NNMT: variants seen among roughly 807,000 people sequenced by gnomAD.
The protein encoded by NNMT is nicotinamide N-methyltransferase.
NNMT carries 10 observed loss-of-function variants against 11.7 expected under a neutral mutation model. That is an observed-to-expected ratio of 0.85 (90% CI 0.53 to 1.45). The LOEUF is 1.45. Among genes scored for constraint, NNMT ranks in the 40% most tolerant of loss-of-function variants. The probability of loss-of-function intolerance (pLI) is 0.00; values close to 1 mark genes in which losing one functional copy is unlikely to be tolerated. For missense variants in NNMT, 381 were observed against 319.4 expected (o/e 1.19, Z -1.47); for synonymous variants, 143 against 133.8 (o/e 1.07, Z -0.48).
chr11:114,300,548 G>A (rs1945428623), intron 2 of NNMT, among the ~76,000 whole-genome samples: 1 of 152,124 alleles, frequency 6.6e-6, no homozygotes, highest in Non-Finnish European at 1.5e-5. Context: ...CAGGTTGATA[G>A]TATCATTCAA....
chr11:114,258,759 C>T (rs1055719172), intron 1 of NNMT, among the ~76,000 whole-genome samples: 2 of 152,228 alleles, frequency 1.3e-5, no homozygotes, highest in African/African-American at 4.8e-5. Flanking sequence ...AGCCCCTGCT[C>T]AGCACCCAAC....
intron 2 of NNMT, among the ~76,000 whole-genome samples, chr11:114,274,501 G>A (rs1477910301): frequency 6.6e-6 from 1 of 152,386 alleles, no homozygotes; most frequent in East Asian, 1.9e-4. Context: ...TAGGCAAGGA[G>A]TTCGGTGTTT....
intron 1 of NNMT, among the ~76,000 whole-genome samples, chr11:114,258,079 C>T (rs1945044733): frequency 6.6e-6 from 1 of 152,190 alleles, no homozygotes; most frequent in Admixed American, 6.5e-5. Flanking sequence ...CCCCTGCCAG[C>T]CCCGGCTGCC....
chr11:114,298,489 C>T (rs1055028359), intron 2 of NNMT, among the ~76,000 whole-genome samples: 2 of 152,126 alleles, frequency 1.3e-5, no homozygotes, highest in Non-Finnish European at 2.9e-5. Flanking sequence ...AGGTTTAGGA[C>T]AGCTGCAAGT....
chr11:114,273,765 A>G (rs1294018868), intron 2 of NNMT, among the ~76,000 whole-genome samples: 1 of 152,168 alleles, frequency 6.6e-6, no homozygotes, highest in Non-Finnish European at 1.5e-5. Context: ...ACTTGAGCTC[A>G]GGAGTCGGAG....
intron 2 of NNMT, among the ~76,000 whole-genome samples, chr11:114,268,791 A>AC (rs1945145418): frequency 6.6e-6 from 1 of 151,162 alleles, no homozygotes; most frequent in East Asian, 1.9e-4. Context: ...AAAAAAAAAA[A>AC]CTGAAACAGC....
At chr11:114,273,885 A>G (rs541228195) in intron 2 of NNMT, among the ~76,000 whole-genome samples, 2 of 152,306 alleles carry the variant, frequency 1.3e-5, no homozygotes, top group East Asian at 3.9e-4. Context: ...CAGTGGGGCC[A>G]TACAGCACTT....
chr11:114,260,736 C>T (rs919534665), intron 1 of NNMT, among the ~76,000 whole-genome samples: 6 of 152,200 alleles, frequency 3.9e-5, no homozygotes, highest in African/African-American at 1.4e-4. Context: ...GTGCAGCATA[C>T]GGACCCACGG....
At chr11:114,300,077 G>A (rs1945424306) in intron 2 of NNMT, among the ~76,000 whole-genome samples, 1 of 151,040 alleles carries the variant, frequency 6.6e-6, no homozygotes, top group East Asian at 1.9e-4. Context: ...TTCTTTTCTA[G>A]TTTACTTTAT....
rs1039938073 is a variant in NNMT at position 114,296,502 on chromosome 11, C to T, written c.-55C>T. 4.4e-6 allele frequency: 7 copies of T among 1,588,214 alleles called. No homozygotes were observed. In the African/African-American group the frequency reaches 9.4e-5, roughly 21 times the overall value. The stretch of plus-strand genomic sequence containing the variant: ...CAACTTCTGCAGGGTCACTCCCTGG[C>T]TTCTGGAGGAAAGAGAAGGAGGGCA... On this transcript the variant is annotated 5_prime_UTR_variant, in exon 1 of 3. Coordinates refer to ENST00000299964, the MANE Select transcript of NNMT (RefSeq NM_006169.3).
At chr11:114,278,936 GT>G (rs1945237045) in intron 2 of NNMT, among the ~76,000 whole-genome samples, 1 of 152,210 alleles carries the variant, frequency 6.6e-6, no homozygotes, top group African/African-American at 2.4e-5. Flanking sequence ...CATGTGCAGG[GT>G]TTCCAGGGCA....
At chr11:114,259,354 G>A (rs1032940630) in intron 1 of NNMT, among the ~76,000 whole-genome samples, 3 of 150,462 alleles carry the variant, frequency 2.0e-5, no homozygotes, top group Non-Finnish European at 4.4e-5. Context: ...CAGTGGGGGG[G>A]GGGGAGCTCC....
rs114821467 is a variant in NNMT at position 114,278,223 on chromosome 11, C to T, written c.-130+15289C>T. ...AGGGAGGAGCAGGCATTTCACACGG[C>T]GAGAGAGGGAGCAAGAGAGAGAGGA... On this transcript the variant is annotated intron_variant, in intron 2 of 4. Transcript: ENST00000535401. 4.2e-3 allele frequency among the ~76,000 whole-genome samples: 641 copies of T among 152,042 alleles called. 7 individuals are homozygous for T. The highest frequency in any genetic ancestry group is 0.014 in the African/African-American group (594 of 41,464).
At chr11:114,294,992 A>T (rs139943468), upstream of NNMT, among the ~76,000 whole-genome samples, 7 of 152,228 alleles carry the variant, frequency 4.6e-5, no homozygotes, top group African/African-American at 1.7e-4. Flanking sequence ...TGGCTTGCTG[A>T]CTCCTTGGAA....
intron 2 of NNMT, among the ~76,000 whole-genome samples, chr11:114,285,201 A>C (rs1945289493): frequency 6.6e-6 from 1 of 152,120 alleles, no homozygotes; most frequent in Admixed American, 6.5e-5. Context: ...CAGTGAAAAT[A>C]TTTGAGACGC....
Position 114,260,565 on chromosome 11 carries a change from G to A in NNMT, c.-216-2283G>A, listed in dbSNP as rs188270643. On this transcript the variant is annotated intron_variant, in intron 1 of 4. Transcript: ENST00000535401. ...GAGAGGAGGCCCGCTCCGGGCTCCG[G>A]TGTGGTCAAGCCCTGCTGGTTCTCC... Among the ~76,000 whole-genome samples, 11 of 152,324 alleles carry A rather than the reference G, an allele frequency of 7.2e-5. No individual in the cohort carries two copies. In the East Asian group the frequency reaches 1.3e-3, roughly 19 times the overall value.
chr11:114,292,966 A>T (rs945929655), upstream of NNMT, among the ~76,000 whole-genome samples: 1 of 152,352 alleles, frequency 6.6e-6, no homozygotes, highest in South Asian at 2.1e-4. Flanking sequence ...AATACCTCAG[A>T]TTGAATAGTA....
chr11:114,268,272 T>C (rs975038399), intron 2 of NNMT, among the ~76,000 whole-genome samples: 3 of 152,210 alleles, frequency 2.0e-5, no homozygotes, highest in African/African-American at 7.2e-5. Flanking sequence ...ACTTCACAGA[T>C]GAGCTAATTG....
chr11:114,301,135 T>C (rs1248699567), intron 2 of NNMT, among the ~76,000 whole-genome samples: 1 of 152,186 alleles, frequency 6.6e-6, no homozygotes, highest in African/African-American at 2.4e-5. Context: ...GAGGAACTCT[T>C]ATTTATTGTT....
Sources: allele counts gnomAD v4.1 joint callset (sites outside exome capture counted in the v4.1 genomes callset), GRCh38; gene constraint gnomAD v4.1.1; transcripts MANE v1.5; gene names NCBI Gene and HGNC (gene_info 2026-07-23, HGNC 2026-07-21).